The following ZCCHC14 variants were observed in gnomAD, a reference collection of about 807,000 sequenced individuals.
ZCCHC14 encodes the protein zinc finger CCHC domain-containing protein 14.
A neutral mutation model predicts 85.0 loss-of-function variants in ZCCHC14; 16 were observed. That is an observed-to-expected ratio of 0.19 (90% CI 0.13 to 0.29). The LOEUF is 0.29. ZCCHC14 is among the 10% of genes least tolerant of loss of function. ZCCHC14 has a pLI of 1.00. For synonymous variants in ZCCHC14, 775 were observed against 630.7 expected (o/e 1.23, Z -3.43); for missense variants, 1,303 against 1,443.5 (o/e 0.90, Z 1.58).
In ZCCHC14 at chr16:87,420,470, CCTAGAGGCCAA is replaced by C; in HGVS notation, c.950+126_950+136del. ...GAATCCTCCAGAACTAATGGAAATC[CCTAGAGGCCAA>C]GTAGAGACCCAGGTCCAGGTGACCG... On this transcript the variant is annotated intron_variant, in intron 5 of 12. Coordinates refer to ENST00000671377, the MANE Select transcript of ZCCHC14 (RefSeq NM_015144.3). This position sits in a 1 kb window ranked among gnomAD's most constrained non-coding sequence, Gnocchi z 5.0. 6.4e-6 allele frequency: 4 copies of C among 623,094 alleles called. No homozygotes were observed. Among genetic ancestry groups the C allele is most frequent in the Non-Finnish European group, 1.1e-5 (4 of 365,928 alleles). 38.6% of individuals were successfully genotyped at this position (623,094 alleles called of 1,614,324 possible). A position where few individuals can be genotyped will look rare whatever the true frequency, so the allele number is the denominator to read the frequency against.
At chr16:87,458,080 C>G (rs573366018) in intron 2 of ZCCHC14, among the ~76,000 whole-genome samples, 23 of 142,906 alleles carry the variant, frequency 1.6e-4, no homozygotes, top group African/African-American at 4.0e-4. Context: ...GACAGATACT[C>G]GCTACTTTGA....
At position 87,407,462 on chromosome 16, in the gene ZCCHC14, T is replaced by C. The variant is rs1908253870; in HGVS notation, c.*2818A>G. The C allele has an allele frequency of 6.6e-6, 1 of 152,218 alleles. No homozygotes were observed. The allele number at this position is 152,218 out of a possible 1,614,324, so 9.4% of individuals were successfully genotyped here. On this transcript the variant is annotated 3_prime_UTR_variant, in exon 13 of 13. Transcript: ENST00000671377. ...ACACTTCCAACTGTCAGTATTACCA[T>C]GAAATCAACATTAGAAAATAAGGTA...
Position 87,411,620 on chromosome 16 carries a change from C to A in ZCCHC14, c.3101G>T (p.Gly1034Val). 6.2e-7 allele frequency: 1 copy of A among 1,613,956 alleles called. No homozygotes were observed. Among genetic ancestry groups the A allele is most frequent in the Non-Finnish European group, 8.5e-7 (1 of 1,180,032 alleles). The stretch of plus-strand genomic sequence containing the variant: ...GTTCCCGCTCTTTTTGTGACTGGAA[C>A]CATTGCTACTGCCCACCAGTCCTTG... ...QTQGLVGSSNGSSHKKSGNLS... is the reference protein window; with the variant it reads ...QTQGLVGSSNVSSHKKSGNLS... The change falls in exon 12 of 13, where the codon GGT becomes GTT. Residue 1034 changes from glycine (G) to valine (V), a missense_variant. Physicochemically the swap from Gly to Val is moderately radical, Grantham distance 109 (BLOSUM62 -3). Transcript: ENST00000671377.
intron 8 of ZCCHC14, among the ~76,000 whole-genome samples, chr16:87,416,803 A>C (rs1459216095): frequency 6.6e-6 from 1 of 152,184 alleles, no homozygotes; most frequent in African/African-American, 2.4e-5. Flanking sequence ...AGGGTATTAC[A>C]AATATACTTA....
At chr16:87,450,253 A>G (rs77749811) in intron 2 of ZCCHC14, among the ~76,000 whole-genome samples, 2,472 of 152,348 alleles carry the variant, frequency 0.016, 25 homozygotes, top group Middle Eastern at 0.044. Flanking sequence ...TTGCAGTTAA[A>G]TAATAATTTT....
rs1327472836 is a variant in ZCCHC14 at position 87,407,489 on chromosome 16, A to G, written c.*2791T>C. ...AAATCAACATTAGAAAATAAGGTAG[A>G]AAACTGAGTGTTTTGCTTAAAAAAT... On this transcript the variant is annotated 3_prime_UTR_variant, in exon 13 of 13. Transcript: ENST00000671377. 1 of 152,270 alleles carries G rather than the reference A, an allele frequency of 6.6e-6. No homozygotes were observed. Among genetic ancestry groups the G allele is most frequent in the African/African-American group, 2.4e-5 (1 of 41,472 alleles). 9.4% of individuals were successfully genotyped at this position (152,270 alleles called of 1,614,324 possible). A position where few individuals can be genotyped will look rare whatever the true frequency, so the allele number is the denominator to read the frequency against.
At position 87,411,904 on chromosome 16, in the gene ZCCHC14, C is replaced by G. The variant is rs1908466764; in HGVS notation, c.2817G>C (p.Leu939=). 5.7e-6 allele frequency: 9 copies of G among 1,592,702 alleles called. No individual in the cohort carries two copies. The East Asian group carries it at 2.1e-4, about 36-fold the overall frequency. The change falls in exon 12 of 13, where the codon CTG becomes CTC. Residue 939 remains leucine (L), a synonymous_variant. Transcript: ENST00000671377. ...GCSGSCGSSG[L]TVSYANYFQH... ...GGAAGTAGTTGGCGTAGCTGACAGTCAGGCCACTCGAGCCGCAGCTGCCGC... is the reference window on the plus strand; with the variant it reads ...GGAAGTAGTTGGCGTAGCTGACAGTGAGGCCACTCGAGCCGCAGCTGCCGC...
chr16:87,424,929 A>G (rs542415486), intron 3 of ZCCHC14, among the ~76,000 whole-genome samples: 5 of 152,222 alleles, frequency 3.3e-5, no homozygotes, highest in African/African-American at 1.2e-4. Context: ...CATTATGCAA[A>G]AGAAAACGCT....
intron 2 of ZCCHC14, among the ~76,000 whole-genome samples, chr16:87,435,709 C>A (rs549864420): frequency 6.6e-6 from 1 of 152,382 alleles, no homozygotes; most frequent in East Asian, 1.9e-4. Flanking sequence ...CTCCAGGGAA[C>A]CTCGTGCATC....
intron 1 of ZCCHC14, among the ~76,000 whole-genome samples, chr16:87,475,150 C>T (rs970875893): frequency 2.0e-5 from 3 of 152,168 alleles, no homozygotes; most frequent in Non-Finnish European, 4.4e-5. Context: ...CCAGCACAGG[C>T]AGGACTCAGT....
chr16:87,467,450 TTC>T (rs1911576349), intron 1 of ZCCHC14: 13 of 1,606,316 alleles, frequency 8.1e-6, no homozygotes, highest in Non-Finnish European at 1.1e-5. Flanking sequence ...TGTCTGCCAT[TTC>T]TGTTCACGGT....
At chr16:87,423,659 TG>T in intron 4 of ZCCHC14, 150 bp downstream of exon 4, 2 of 788,136 alleles carry the variant, frequency 2.5e-6, no homozygotes, top group Admixed American at 2.7e-5. Flanking sequence ...GCAGCGGGCC[TG>T]GGACTCCACT....
intron 1 of ZCCHC14, among the ~76,000 whole-genome samples, chr16:87,481,919 G>T (rs764784560): frequency 1.3e-5 from 2 of 152,144 alleles, no homozygotes; most frequent in African/African-American, 2.4e-5. Flanking sequence ...ATCTGCTTAG[G>T]GCCTTCCTGC....
intron 1 of ZCCHC14, among the ~76,000 whole-genome samples, chr16:87,469,440 T>C (rs1036400296): frequency 6.6e-6 from 1 of 152,236 alleles, no homozygotes; most frequent in Admixed American, 6.5e-5. Context: ...CTGTGATTTG[T>C]GCACATTAAA....
intron 4 of ZCCHC14, among the ~76,000 whole-genome samples, chr16:87,422,286 C>T (rs1909140032): frequency 6.6e-6 from 1 of 152,100 alleles, no homozygotes; most frequent in Non-Finnish European, 1.5e-5. Context: ...GGCACAGGAA[C>T]CACCCAGACG....
chr16:87,429,121 G>A (rs557273731), intron 3 of ZCCHC14, among the ~76,000 whole-genome samples: 5 of 152,164 alleles, frequency 3.3e-5, no homozygotes, highest in South Asian at 2.1e-4. Context: ...ACTGTTTTCC[G>A]AAATAGCTGC....
intron 2 of ZCCHC14, among the ~76,000 whole-genome samples, chr16:87,456,012 T>C (rs2150755099): frequency 6.6e-6 from 1 of 152,354 alleles, no homozygotes; most frequent in Non-Finnish European, 1.5e-5. Flanking sequence ...GCCCCCACTG[T>C]AAGTTGAAAA....
At chr16:87,423,406 T>A in intron 4 of ZCCHC14, among the ~76,000 whole-genome samples, 1 of 151,934 alleles carries the variant, frequency 6.6e-6, no homozygotes, top group Admixed American at 6.6e-5. Context: ...ATAAAATAAA[T>A]AAATAAATAA....
intron 1 of ZCCHC14, among the ~76,000 whole-genome samples, chr16:87,462,985 T>C (rs932762696): frequency 1.1e-4 from 17 of 150,090 alleles, no homozygotes; most frequent in Admixed American, 6.6e-4. Context: ...GGAGAATCGC[T>C]TGAACCCCGG....
Sources: allele counts gnomAD v4.1 joint callset (sites outside exome capture counted in the v4.1 genomes callset), GRCh38; gene constraint gnomAD v4.1.1; non-coding constraint Gnocchi (gnomAD v3.1); transcripts MANE v1.5; gene names NCBI Gene and HGNC (gene_info 2026-07-23, HGNC 2026-07-21).